The following PARD3B variants were observed in gnomAD, a reference collection of about 807,000 sequenced individuals.
The protein encoded by PARD3B is par-3 family cell polarity regulator beta, also known as partitioning defective 3 homolog B.
Under a neutral mutation model 130.2 loss-of-function variants are expected in PARD3B, and 103 were observed. The ratio of observed to expected loss-of-function variants is 0.79; its 90% confidence interval spans 0.67 to 0.93. The LOEUF (loss-of-function observed/expected upper bound fraction) is 0.93, where lower values mean the gene tolerates loss of function less well. PARD3B is among the 40% of genes least tolerant of loss of function. The pLI, the probability that PARD3B is intolerant of heterozygous loss-of-function variation, is 0.00. For missense variants in PARD3B, 1,609 were observed against 1,499.2 expected (o/e 1.07, Z -1.21); for synonymous variants, 583 against 553.2 (o/e 1.05, Z -0.76).
intron 18 of PARD3B, among the ~76,000 whole-genome samples, chr2:205,384,507 A>G (rs745373061): frequency 6.6e-5 from 10 of 152,118 alleles, no homozygotes; most frequent in South Asian, 6.2e-4. Context: ...TGTTGATTCA[A>G]TGATGGACTT....
chr2:204,785,717 A>C (rs2058988), intron 2 of PARD3B, among the ~76,000 whole-genome samples: 7 of 152,212 alleles, frequency 4.6e-5, no homozygotes, highest in Non-Finnish European at 1.0e-4. Context: ...AAGAAATAGA[A>C]ATGTGTTGAA....
At chr2:204,756,337 A>G (rs1247846405) in intron 2 of PARD3B, among the ~76,000 whole-genome samples, 3 of 152,134 alleles carry the variant, frequency 2.0e-5, no homozygotes, top group African/African-American at 7.2e-5. Context: ...TATGGCTGCA[A>G]TATTACTGTA....
chr2:205,459,956 A>C lies in PARD3B; in HGVS notation c.3044+19284A>C, dbSNP rs116586998. Among the ~76,000 whole-genome samples the C allele has an allele frequency of 2.3e-3, 346 of 152,320 alleles. 3 individuals carry two copies. Among genetic ancestry groups the C allele is most frequent in the African/African-American group, 7.9e-3 (328 of 41,574 alleles). ...CTGGCAGTGAGGCCAGTGTTGGTGAAAGATGGCATGGATCTTACAAATTTG... is the reference window on the plus strand; with the variant it reads ...CTGGCAGTGAGGCCAGTGTTGGTGACAGATGGCATGGATCTTACAAATTTG... On this transcript the variant is annotated intron_variant, in intron 20 of 22. Transcript: ENST00000406610.
chr2:204,645,159 G>A (rs542500136), intron 1 of PARD3B, among the ~76,000 whole-genome samples: 86 of 152,224 alleles, frequency 5.6e-4, no homozygotes, highest in African/African-American at 1.9e-3. Context: ...TGTCACTGAC[G>A]CTGAGATGGA....
intron 2 of PARD3B, among the ~76,000 whole-genome samples, chr2:204,760,584 G>T (rs1174499061): frequency 6.6e-6 from 1 of 151,774 alleles, no homozygotes; most frequent in Non-Finnish European, 1.5e-5. Flanking sequence ...TCAACTTCTT[G>T]GGAACCCTTT....
chr2:205,385,348 G>A (rs1464656311), intron 18 of PARD3B, among the ~76,000 whole-genome samples: 1 of 152,098 alleles, frequency 6.6e-6, no homozygotes, highest in Non-Finnish European at 1.5e-5. Flanking sequence ...ATTTGGAAAA[G>A]AACAATATGC....
intron 1 of PARD3B, among the ~76,000 whole-genome samples, chr2:204,643,132 AAAAAT>A (rs1284024848): frequency 2.7e-5 from 4 of 145,506 alleles, no homozygotes; most frequent in African/African-American, 1.0e-4. Flanking sequence ...AAAAAAAAAA[AAAAAT>A]GTTTGGCACC....
chr2:205,569,540 C>A (rs2053486291), intron 22 of PARD3B, among the ~76,000 whole-genome samples: 1 of 152,134 alleles, frequency 6.6e-6, no homozygotes, highest in African/African-American at 2.4e-5. Flanking sequence ...TAGTTTCAAG[C>A]AATATCAACT....
At chr2:204,729,850 A>G (rs1405091898) in intron 2 of PARD3B, among the ~76,000 whole-genome samples, 1 of 152,084 alleles carries the variant, frequency 6.6e-6, no homozygotes, top group Non-Finnish European at 1.5e-5. Flanking sequence ...TTGTTTATCT[A>G]TTTTAACTCT....
chr2:205,441,763 A>G (rs2047724218), intron 20 of PARD3B, among the ~76,000 whole-genome samples: 1 of 152,218 alleles, frequency 6.6e-6, no homozygotes, highest in Non-Finnish European at 1.5e-5. Flanking sequence ...GTGTAGCTTC[A>G]AAAGACTGAT....
intron 1 of PARD3B, among the ~76,000 whole-genome samples, chr2:204,579,260 T>A (rs184521905): frequency 4.7e-4 from 72 of 152,142 alleles, no homozygotes; most frequent in South Asian, 2.5e-3. Context: ...AGCAATCTCA[T>A]GGGGTTGGTA....
At position 204,999,457 on chromosome 2, in the gene PARD3B, T is replaced by C. The variant is rs776084071; in HGVS notation, c.394+34134T>C. On this transcript the variant is annotated intron_variant, in intron 3 of 22. Coordinates refer to ENST00000406610, the MANE Select transcript of PARD3B (RefSeq NM_001302769.2). Reference sequence around the variant, plus strand: ...TGAGTCTCACTAACTTGCTATAGAATGTACCAAGAAACTATTTAAAATTGA... The same window carrying C: ...TGAGTCTCACTAACTTGCTATAGAACGTACCAAGAAACTATTTAAAATTGA... 4.6e-5 allele frequency among the ~76,000 whole-genome samples: 7 copies of C among 152,224 alleles called. 1 individual carries two copies. The highest frequency in any genetic ancestry group is 3.2e-3 in the Middle Eastern group (1 of 316).
intron 20 of PARD3B, among the ~76,000 whole-genome samples, chr2:205,481,002 G>A (rs1036418876): frequency 6.6e-6 from 1 of 152,064 alleles, no homozygotes; most frequent in African/African-American, 2.4e-5. Flanking sequence ...CAAGGAACAG[G>A]GGAGAGTGAG....
intron 20 of PARD3B, among the ~76,000 whole-genome samples, chr2:205,449,606 T>C (rs2048030206): frequency 6.6e-6 from 1 of 152,196 alleles, no homozygotes; most frequent in South Asian, 2.1e-4. Context: ...TAACACTTTC[T>C]GTGAGCTGAT....
chr2:205,414,018 G>A (rs562380094), intron 19 of PARD3B, among the ~76,000 whole-genome samples: 5 of 152,116 alleles, frequency 3.3e-5, no homozygotes, highest in Non-Finnish European at 5.9e-5. Flanking sequence ...GGATATTTTT[G>A]TGCTGTATTT....
rs2040957403 is a variant in PARD3B at position 205,276,568 on chromosome 2, C to T, written c.2186-23962C>T. ...CTTCGGGAGCGGGAGCAGCACCCAC[C>T]ATCTCACAAATGGCCCTTCTCGGCA... On this transcript the variant is annotated intron_variant, in intron 16 of 22. Coordinates refer to ENST00000406610, the MANE Select transcript of PARD3B (RefSeq NM_001302769.2). This position sits in a 1 kb window ranked among gnomAD's most constrained non-coding sequence, Gnocchi z 5.0. 1.3e-5 allele frequency among the ~76,000 whole-genome samples: 2 copies of T among 152,124 alleles called. No individual in the cohort carries two copies. Among genetic ancestry groups the T allele is most frequent in the Non-Finnish European group, 2.9e-5 (2 of 68,028 alleles).
intron 3 of PARD3B, among the ~76,000 whole-genome samples, chr2:205,029,418 C>T (rs1438137394): frequency 1.3e-5 from 2 of 152,154 alleles, no homozygotes. Context: ...CCCCTATGGG[C>T]TTGGAGTTCT....
intron 1 of PARD3B, among the ~76,000 whole-genome samples, chr2:204,618,007 C>G (rs554204479): frequency 4.6e-5 from 7 of 152,302 alleles, no homozygotes; most frequent in Admixed American, 4.6e-4. Flanking sequence ...GATGAACATA[C>G]ACGTGCATGA....
At chr2:205,375,741 T>C (rs2045020377) in intron 18 of PARD3B, among the ~76,000 whole-genome samples, 1 of 152,108 alleles carries the variant, frequency 6.6e-6, no homozygotes, top group Non-Finnish European at 1.5e-5. Context: ...GGAAGAGGCT[T>C]AAAGAAAAAG....
Sources: gnomAD v4.1 joint callset for allele counts (sites outside exome capture counted in the v4.1 genomes callset) on GRCh38, gnomAD v4.1.1 for gene constraint, Gnocchi (gnomAD v3.1) non-coding constraint, MANE v1.5 for transcripts, NCBI Gene and HGNC (gene_info 2026-07-23, HGNC 2026-07-21) for gene names.